The following STXBP5L variants were observed in gnomAD, a reference collection of about 807,000 sequenced individuals.
STXBP5L encodes the protein syntaxin binding protein 5L.
STXBP5L carries 65 observed loss-of-function variants against 144.5 expected under a neutral mutation model. That is an observed-to-expected ratio of 0.45 (90% CI 0.37 to 0.55). STXBP5L has a LOEUF of 0.55. STXBP5L is among the 20% of genes least tolerant of loss of function. The pLI is 0.00. For synonymous variants in STXBP5L, 505 were observed against 469.6 expected, an observed-to-expected ratio of 1.08 and a Z score of -0.97; for missense variants, 1,298 against 1,405.5, an observed-to-expected ratio of 0.92 and a Z score of 1.22.
Position 120,955,054 on chromosome 3 carries a change from G to A in STXBP5L, c.287+17G>A. ...TATACGAATGTATCCTTAAATTTTG[G>A]TTCATTATCTGCCACAGTAATGCCA... On this transcript the variant is annotated intron_variant, in intron 3 of 26. Coordinates refer to ENST00000471454, the MANE Select transcript of STXBP5L (RefSeq NM_001308330.2). 6.3e-7 allele frequency: 1 copy of A among 1,586,478 alleles called. No individual in the cohort carries two copies. Among genetic ancestry groups the A allele is most frequent in the Non-Finnish European group, 8.6e-7 (1 of 1,157,378 alleles).
At chr3:121,076,914 T>A (rs1470022596) in intron 5 of STXBP5L, among the ~76,000 whole-genome samples, 1 of 151,856 alleles carries the variant, frequency 6.6e-6, no homozygotes, top group African/African-American at 2.4e-5. Context: ...GCCCGGAGAG[T>A]GCCTTAATTC....
chr3:120,959,278 C>A (rs1314519053), intron 3 of STXBP5L, among the ~76,000 whole-genome samples: 1 of 152,182 alleles, frequency 6.6e-6, no homozygotes, highest in Non-Finnish European at 1.5e-5. Flanking sequence ...AAGAACATTC[C>A]ATGCTCATGG....
At chr3:121,236,038 C>T (rs911787837) in intron 12 of STXBP5L, among the ~76,000 whole-genome samples, 1 of 152,090 alleles carries the variant, frequency 6.6e-6, no homozygotes, top group African/African-American at 2.4e-5. Flanking sequence ...TAATTTCCTC[C>T]TAGTACAGTG....
intron 7 of STXBP5L, among the ~76,000 whole-genome samples, chr3:121,133,936 T>C (rs1330240466): frequency 1.3e-5 from 2 of 152,166 alleles, no homozygotes; most frequent in South Asian, 2.1e-4. Context: ...AGGGATTACA[T>C]GATCCAGTCA....
At chr3:121,414,064 T>G (rs2047180665) in intron 24 of STXBP5L, among the ~76,000 whole-genome samples, 1 of 152,164 alleles carries the variant, frequency 6.6e-6, no homozygotes, top group African/African-American at 2.4e-5. Flanking sequence ...TATAAAAGAC[T>G]GAGCTCAGTG....
intron 5 of STXBP5L, among the ~76,000 whole-genome samples, chr3:121,087,298 A>G (rs1404878560): frequency 6.6e-6 from 1 of 152,060 alleles, no homozygotes; most frequent in East Asian, 1.9e-4. Flanking sequence ...TCCTACAAGA[A>G]TCATGGATTT....
Position 121,422,805 on chromosome 3 carries a change from A to G in STXBP5L, c.*3708A>G, listed in dbSNP as rs1453299709. ...CTCCTTTCCCTCAAAGTTTCTAGGGATCTGAAGGAAAAGGTTTACTGTTGG... is the reference window on the plus strand; with the variant it reads ...CTCCTTTCCCTCAAAGTTTCTAGGGGTCTGAAGGAAAAGGTTTACTGTTGG... On this transcript the variant is annotated 3_prime_UTR_variant, in exon 27 of 27. Coordinates refer to ENST00000471454, the MANE Select transcript of STXBP5L (RefSeq NM_001308330.2). 6.6e-6 allele frequency: 1 copy of G among 152,158 alleles called. No individual in the cohort carries two copies. The highest frequency in any genetic ancestry group is 1.9e-4 in the East Asian group (1 of 5,188). 9.4% of individuals were successfully genotyped at this position (152,158 alleles called of 1,614,324 possible).
At chr3:121,042,838 G>T (rs189607960) in intron 4 of STXBP5L, among the ~76,000 whole-genome samples, 1 of 151,786 alleles carries the variant, frequency 6.6e-6, no homozygotes, top group East Asian at 1.9e-4. Flanking sequence ...ATGGGGTACT[G>T]AAATGAGAAA....
intron 9 of STXBP5L, among the ~76,000 whole-genome samples, chr3:121,184,644 G>T (rs2047296336): frequency 6.6e-6 from 1 of 152,088 alleles, no homozygotes; most frequent in South Asian, 2.1e-4. Flanking sequence ...ACACTCTTCA[G>T]GATATTATCC....
intron 5 of STXBP5L, among the ~76,000 whole-genome samples, chr3:121,094,901 C>T (rs894753078): frequency 3.3e-5 from 5 of 151,940 alleles, no homozygotes; most frequent in South Asian, 2.1e-4. Flanking sequence ...GATTTTGCAG[C>T]GGCTGGTACT....
In STXBP5L at chr3:121,041,642, T is replaced by A. The variant is rs568083004; in HGVS notation, c.288-58T>A. On this transcript the variant is annotated intron_variant, in intron 3 of 26. Transcript: ENST00000471454. The stretch of plus-strand genomic sequence containing the variant: ...CTGTTGATCAATAAGTTAGTTTCTT[T>A]GCTCATTAATATTGGTGCTAATTAA... The A allele has an allele frequency of 3.2e-6, 4 of 1,259,776 alleles. 1 individual carries two copies. In the South Asian group the frequency reaches 4.9e-5, roughly 15 times the overall value. The allele number at this position is 1,259,776 out of a possible 1,614,324, so 78.0% of individuals were successfully genotyped here. A position where few individuals can be genotyped will look rare whatever the true frequency, so the allele number is the denominator to read the frequency against.
intron 7 of STXBP5L, among the ~76,000 whole-genome samples, chr3:121,127,013 G>A (rs1048665737): frequency 3.3e-5 from 5 of 152,072 alleles, no homozygotes; most frequent in African/African-American, 9.7e-5. Flanking sequence ...TTGTTGTTAT[G>A]TAAAGAACAT....
intron 20 of STXBP5L, among the ~76,000 whole-genome samples, chr3:121,341,656 G>A (rs1490480115): frequency 6.6e-6 from 1 of 152,038 alleles, no homozygotes; most frequent in Non-Finnish European, 1.5e-5. Context: ...AAATATGGTA[G>A]ATATACACAA....
chr3:121,245,528 A>T (rs1559900985), intron 14 of STXBP5L, among the ~76,000 whole-genome samples: 1 of 152,118 alleles, frequency 6.6e-6, no homozygotes, highest in Non-Finnish European at 1.5e-5. Context: ...GATTGAAAAA[A>T]GTAGAACTAT....
At chr3:120,912,542 G>A (rs1287272378) in intron 2 of STXBP5L, among the ~76,000 whole-genome samples, 1 of 151,128 alleles carries the variant, frequency 6.6e-6, no homozygotes, top group Non-Finnish European at 1.5e-5. Context: ...GTATAAAGCT[G>A]TACCCTTCAT....
rs1161847567 is a variant in STXBP5L at position 121,159,627 on chromosome 3, CT to C, written c.877+2020del. 2.4e-3 allele frequency among the ~76,000 whole-genome samples: 296 copies of C among 121,948 alleles called. 1 individual carries two copies. In the East Asian group the frequency reaches 0.029, roughly 12 times the overall value. 80.0% of individuals were successfully genotyped at this position (121,948 alleles called of 152,430 possible). On this transcript the variant is annotated intron_variant, in intron 9 of 26. Transcript: ENST00000471454. ...TGTGCTTGGGAAGAATGTACATTTT[CT>C]TTTTTTTTTTTTTTTTTTTGAGACG...
chr3:121,053,394 A>T (rs1948184114), intron 5 of STXBP5L, among the ~76,000 whole-genome samples: 2 of 152,316 alleles, frequency 1.3e-5, no homozygotes, highest in South Asian at 4.1e-4. Flanking sequence ...CAAAACAGAG[A>T]TATAGATCAA....
chr3:121,180,978 GA>G, intron 9 of STXBP5L, among the ~76,000 whole-genome samples: 1 of 151,990 alleles, frequency 6.6e-6, no homozygotes, highest in African/African-American at 2.4e-5. Context: ...GAGGGAAGGG[GA>G]GGGGAGAAGG....
At chr3:121,143,159 GA>G (rs1432099512) in intron 7 of STXBP5L, among the ~76,000 whole-genome samples, 1 of 151,600 alleles carries the variant, frequency 6.6e-6, no homozygotes, top group Non-Finnish European at 1.5e-5. Flanking sequence ...GACAAACCAT[GA>G]AGAAACAGAA....
Sources: allele counts gnomAD v4.1 joint callset (sites outside exome capture counted in the v4.1 genomes callset), GRCh38; gene constraint gnomAD v4.1.1; transcripts MANE v1.5; gene names NCBI Gene and HGNC (gene_info 2026-07-23, HGNC 2026-07-21).